Variants in ROBO1 observed in about 807,000 individuals in gnomAD.
ROBO1 encodes the protein roundabout guidance receptor 1, also known as roundabout homolog 1.
ROBO1 carries 149 observed loss-of-function variants against 195.9 expected under a neutral mutation model. That is an observed-to-expected ratio of 0.76 (90% CI 0.67 to 0.87). The LOEUF is 0.87. ROBO1 is among the 40% of genes least tolerant of loss of function. The pLI, the probability that ROBO1 is intolerant of heterozygous loss-of-function variation, is 0.00. For missense variants in ROBO1, 1,933 were observed against 2,068.3 expected (o/e 0.93, Z 1.27); for synonymous variants, 816 against 733.2 (o/e 1.11, Z -1.82).
chr3:79,228,093 C>A (rs766271363), intron 2 of ROBO1, among the ~76,000 whole-genome samples: 1 of 151,958 alleles, frequency 6.6e-6, no homozygotes, highest in Non-Finnish European at 1.5e-5. Context: ...TTAACACAAG[C>A]CTCTCAACTA....
intron 2 of ROBO1, among the ~76,000 whole-genome samples, chr3:79,223,463 A>C (rs533563108): frequency 6.6e-6 from 1 of 152,164 alleles, no homozygotes; most frequent in African/African-American, 2.4e-5. Context: ...ATATGCAAAT[A>C]TAAAGAATCT....
intron 4 of ROBO1, among the ~76,000 whole-genome samples, chr3:78,820,302 A>G (rs1399432520): frequency 6.6e-6 from 1 of 152,158 alleles, no homozygotes; most frequent in East Asian, 1.9e-4. Flanking sequence ...ATTATTTTAT[A>G]TTTAGTCATT....
At chr3:79,649,718 G>A (rs987830898) in intron 1 of ROBO1, among the ~76,000 whole-genome samples, 8 of 152,034 alleles carry the variant, frequency 5.3e-5, no homozygotes, top group Non-Finnish European at 8.8e-5. Flanking sequence ...ATCTCTGGAG[G>A]AAATTAGCCT....
chr3:79,614,776 A>G (rs536750338), intron 1 of ROBO1, among the ~76,000 whole-genome samples: 1 of 151,906 alleles, frequency 6.6e-6, no homozygotes, highest in South Asian at 2.1e-4. Context: ...TTTTTCTCAA[A>G]TTGATCTATG....
intron 2 of ROBO1, among the ~76,000 whole-genome samples, chr3:79,269,428 CACACAAAA>C (rs1175733113): frequency 3.3e-5 from 5 of 151,612 alleles, no homozygotes; most frequent in Non-Finnish European, 5.9e-5. Context: ...GTAACATGGT[CACACAAAA>C]TAACTAGTGT....
At chr3:79,632,205 C>A (rs1945365750) in intron 1 of ROBO1, among the ~76,000 whole-genome samples, 1 of 152,042 alleles carries the variant, frequency 6.6e-6, no homozygotes, top group African/African-American at 2.4e-5. Flanking sequence ...GCACTATTTA[C>A]AATAGCAAAG....
rs549034591 is a variant in ROBO1 at position 79,560,535 on chromosome 3, T to TTATATATATATA, written c.88+29277_88+29288dup. ...AAAACTTAAAGTATAATAATAATAA[T>TTATATATATATA]TATATATATATATATATATATATAC... On this transcript the variant is annotated intron_variant, in intron 2 of 30. Transcript: ENST00000464233. Among the ~76,000 whole-genome samples the TTATATATATATA allele has an allele frequency of 2.5e-3, 290 of 115,184 alleles. 7 individuals carry two copies. The highest frequency in any genetic ancestry group is 9.1e-3 in the African/African-American group (231 of 25,392). The allele number at this position is 115,184 out of a possible 152,430, so 75.6% of individuals were successfully genotyped here.
intron 2 of ROBO1, among the ~76,000 whole-genome samples, chr3:79,495,638 G>T (rs2107471817): frequency 6.6e-6 from 1 of 152,188 alleles, no homozygotes; most frequent in African/African-American, 2.4e-5. Context: ...TCATTGTTGA[G>T]AGTTGATATT....
intron 2 of ROBO1, among the ~76,000 whole-genome samples, chr3:79,511,983 A>G (rs1940730314): frequency 6.6e-6 from 1 of 152,110 alleles, no homozygotes; most frequent in Non-Finnish European, 1.5e-5. Flanking sequence ...TGGGCTTTAT[A>G]CCTGGATGAT....
At chr3:79,558,534 C>T (rs532026772) in intron 2 of ROBO1, among the ~76,000 whole-genome samples, 48 of 152,226 alleles carry the variant, frequency 3.2e-4, no homozygotes, top group African/African-American at 1.1e-3. Flanking sequence ...AACAGTAATA[C>T]ACAGATTTTT....
chr3:78,850,650 C>A (rs1417337831), intron 4 of ROBO1, among the ~76,000 whole-genome samples: 1 of 151,954 alleles, frequency 6.6e-6, no homozygotes, highest in Admixed American at 6.6e-5. Flanking sequence ...AAGAACAGGC[C>A]ATGTGATGAG....
intron 4 of ROBO1, among the ~76,000 whole-genome samples, chr3:78,799,541 C>T (rs1319920475): frequency 6.6e-6 from 1 of 152,036 alleles, no homozygotes; most frequent in Non-Finnish European, 1.5e-5. Flanking sequence ...CGGGGTTTCA[C>T]CGTGTTAGCC....
At chr3:78,757,183 C>T (rs1485641250) in intron 4 of ROBO1, among the ~76,000 whole-genome samples, 2 of 152,160 alleles carry the variant, frequency 1.3e-5, no homozygotes, top group Non-Finnish European at 2.9e-5. Flanking sequence ...TGAGCCACTG[C>T]GTGTGGCTGA....
intron 3 of ROBO1, among the ~76,000 whole-genome samples, chr3:78,982,383 C>T (rs887698529): frequency 1.3e-5 from 2 of 152,092 alleles, no homozygotes; most frequent in Non-Finnish European, 2.9e-5. Context: ...TACAGTGAAG[C>T]TTCAGAGAGG....
intron 2 of ROBO1, among the ~76,000 whole-genome samples, chr3:79,179,476 C>A (rs1430345135): frequency 6.6e-6 from 1 of 152,108 alleles, no homozygotes; most frequent in South Asian, 2.1e-4. Context: ...ATCTTAACTG[C>A]CTCCTATTGC....
At chr3:79,452,753 A>G (rs1364333462) in intron 2 of ROBO1, among the ~76,000 whole-genome samples, 2 of 152,006 alleles carry the variant, frequency 1.3e-5, no homozygotes, top group African/African-American at 4.8e-5. Context: ...AATATATATG[A>G]TATTAATATG....
At chr3:79,335,449 C>T (rs1309942262) in intron 2 of ROBO1, among the ~76,000 whole-genome samples, 2 of 152,064 alleles carry the variant, frequency 1.3e-5, no homozygotes, top group African/African-American at 4.8e-5. Context: ...TCATACTGTT[C>T]TCATGATAGT....
intron 3 of ROBO1, among the ~76,000 whole-genome samples, chr3:79,000,536 CT>C (rs1405584744): frequency 6.6e-6 from 1 of 152,128 alleles, no homozygotes; most frequent in Non-Finnish European, 1.5e-5. Context: ...CTCATCATCA[CT>C]GGTCATTAGA....
intron 4 of ROBO1, among the ~76,000 whole-genome samples, chr3:78,835,164 C>T (rs972299548): frequency 6.6e-6 from 1 of 152,128 alleles, no homozygotes; most frequent in Non-Finnish European, 1.5e-5. Context: ...CAATCACTCC[C>T]TCAAGCCCCA....
Sources: allele counts gnomAD v4.1 joint callset (sites outside exome capture counted in the v4.1 genomes callset), GRCh38; gene constraint gnomAD v4.1.1; transcripts MANE v1.5; gene names NCBI Gene and HGNC (gene_info 2026-07-23, HGNC 2026-07-21).